LPP: variants seen among roughly 807,000 people sequenced by gnomAD.
LPP encodes the protein LIM domain containing preferred translocation partner in lipoma.
In LPP, 38 loss-of-function variants were observed where a neutral mutation model predicts 60.4. That is an observed-to-expected ratio of 0.63 (90% confidence interval 0.49 to 0.83). The LOEUF is 0.83. Ranked by LOEUF, LPP falls within the 40% of genes least tolerant of loss-of-function variation. LPP has a pLI of 0.00. For synonymous variants in LPP, 328 were observed against 290.8 expected (o/e 1.13, Z -1.30); for missense variants, 902 against 783.6 (o/e 1.15, Z -1.80).
intron 9 of LPP, among the ~76,000 whole-genome samples, chr3:188,809,583 G>A (rs748520052): frequency 6.6e-5 from 10 of 152,008 alleles, no homozygotes; most frequent in African/African-American, 2.2e-4. Flanking sequence ...GATGTTAGAC[G>A]TTTGTCAGAT....
intron 2 of LPP, among the ~76,000 whole-genome samples, chr3:188,288,663 C>A (rs1470688048): frequency 6.6e-6 from 1 of 152,142 alleles, no homozygotes; most frequent in African/African-American, 2.4e-5. Context: ...CACATCTATG[C>A]ATACATACAT....
At chr3:188,617,179 C>T (rs2151496284) in intron 7 of LPP, among the ~76,000 whole-genome samples, 1 of 152,288 alleles carries the variant, frequency 6.6e-6, no homozygotes, top group South Asian at 2.1e-4. Context: ...CTTCCATAGG[C>T]TAGCCTACGT....
At chr3:188,711,147 G>A (rs894973354) in intron 8 of LPP, 3 of 152,160 alleles carry the variant, frequency 2.0e-5, no homozygotes, top group African/African-American at 7.2e-5. Flanking sequence ...TTAAGTTTAA[G>A]TTCCTAGCAA....
At chr3:188,750,986 G>A (rs968628542) in intron 8 of LPP, among the ~76,000 whole-genome samples, 5 of 152,080 alleles carry the variant, frequency 3.3e-5, no homozygotes, top group South Asian at 2.1e-4. Context: ...TATTTTCATC[G>A]TTAAAATGAG....
chr3:188,550,280 C>A (rs1343272868), intron 6 of LPP, among the ~76,000 whole-genome samples: 2 of 152,070 alleles, frequency 1.3e-5, no homozygotes, highest in Non-Finnish European at 2.9e-5. Context: ...CAAGGCAACA[C>A]TTAATGAAAA....
intron 1 of LPP, among the ~76,000 whole-genome samples, chr3:188,218,567 C>T (rs1714556372): frequency 1.3e-5 from 2 of 152,336 alleles, no homozygotes; most frequent in Admixed American, 6.5e-5. Context: ...AAATAATTAG[C>T]ATAATCTCTT....
chr3:188,413,640 A>G (rs1428393210), intron 4 of LPP, among the ~76,000 whole-genome samples: 3 of 152,180 alleles, frequency 2.0e-5, no homozygotes, highest in Admixed American at 2.0e-4. Context: ...TTAAAGGATC[A>G]AATATTAATT....
At chr3:188,496,509 G>A (rs1810273630) in intron 5 of LPP, among the ~76,000 whole-genome samples, 1 of 152,136 alleles carries the variant, frequency 6.6e-6, no homozygotes, top group African/African-American at 2.4e-5. Context: ...GGAAAGGTAG[G>A]GAGGATTCTC....
chr3:188,796,651 C>T (rs532526658), intron 9 of LPP, among the ~76,000 whole-genome samples: 2 of 152,164 alleles, frequency 1.3e-5, no homozygotes, highest in South Asian at 2.1e-4. Context: ...GAACATGACC[C>T]GAAGAGTGAA....
intron 3 of LPP, among the ~76,000 whole-genome samples, chr3:188,400,569 C>G (rs1449050425): frequency 6.6e-6 from 1 of 152,114 alleles, no homozygotes; most frequent in East Asian, 1.9e-4. Context: ...TAAGTGAAAC[C>G]TCTTAGGTTC....
chr3:188,581,779 T>C (rs1279612560), intron 6 of LPP, among the ~76,000 whole-genome samples: 2 of 152,206 alleles, frequency 1.3e-5, no homozygotes, highest in African/African-American at 4.8e-5. Flanking sequence ...CCCCTCATTC[T>C]TCCAGCACTC....
At chr3:188,638,627 G>T (rs1159575957) in intron 7 of LPP, among the ~76,000 whole-genome samples, 1 of 148,968 alleles carries the variant, frequency 6.7e-6, no homozygotes, top group South Asian at 2.1e-4. Context: ...CATTGCCTCA[G>T]CCCAAAATCT....
chr3:188,351,377 C>A (rs1252463259), intron 3 of LPP, among the ~76,000 whole-genome samples: 1 of 152,142 alleles, frequency 6.6e-6, no homozygotes, highest in Non-Finnish European at 1.5e-5. Context: ...AGTGGCAGTT[C>A]TGCAAATCGT....
intron 1 of LPP, among the ~76,000 whole-genome samples, chr3:188,210,197 A>T (rs996896631): frequency 1.3e-5 from 2 of 152,240 alleles, no homozygotes; most frequent in Non-Finnish European, 2.9e-5. Context: ...TAAAGTATAC[A>T]GGAGATACTA....
At chr3:188,239,869 G>A (rs892027477) in intron 2 of LPP, 14 of 211,554 alleles carry the variant, frequency 6.6e-5, no homozygotes, top group Non-Finnish European at 1.2e-4. Context: ...GCTTGGATGG[G>A]TATTTGCTTT....
intron 4 of LPP, among the ~76,000 whole-genome samples, chr3:188,461,008 G>T (rs1225073100): frequency 1.3e-5 from 2 of 152,282 alleles, no homozygotes; most frequent in East Asian, 3.9e-4. Flanking sequence ...ACTTTAAGAA[G>T]GTGATAATCA....
intron 4 of LPP, among the ~76,000 whole-genome samples, chr3:188,434,178 G>A (rs1036889821): frequency 1.3e-5 from 2 of 152,048 alleles, no homozygotes; most frequent in African/African-American, 4.8e-5. Context: ...AATGACTTTC[G>A]AACTTTGTTT....
At chr3:188,460,876 C>T (rs998000413) in intron 4 of LPP, among the ~76,000 whole-genome samples, 1 of 152,098 alleles carries the variant, frequency 6.6e-6, no homozygotes, top group Non-Finnish European at 1.5e-5. Flanking sequence ...AGCTTGTAGA[C>T]TTAGTATTCA....
chr3:188,517,932 A>G (rs1433630205), intron 5 of LPP, among the ~76,000 whole-genome samples: 1 of 152,114 alleles, frequency 6.6e-6, no homozygotes, highest in Non-Finnish European at 1.5e-5. Flanking sequence ...GTTAGTTCAT[A>G]GGACAGCTGA....
Sources: gnomAD v4.1 joint callset for allele counts (sites outside exome capture counted in the v4.1 genomes callset) on GRCh38, gnomAD v4.1.1 for gene constraint, MANE v1.5 for transcripts, NCBI Gene and HGNC (gene_info 2026-07-23, HGNC 2026-07-21) for gene names.